Variants in SASH1 observed in about 807,000 individuals in gnomAD.
The protein encoded by SASH1 is SAM and SH3 domain containing 1.
A neutral mutation model predicts 125.2 loss-of-function variants in SASH1; 44 were observed. The ratio of observed to expected loss-of-function variants is 0.35; its 90% CI spans 0.28 to 0.45. The LOEUF (loss-of-function observed/expected upper bound fraction) is 0.45, where lower values mean the gene tolerates loss of function less well. Ranked by LOEUF, SASH1 falls within the 20% of genes least tolerant of loss-of-function variation. The pLI is 1.00. For synonymous variants in SASH1, 639 were observed against 649.1 expected (o/e 0.98, Z 0.24); for missense variants, 1,426 against 1,614.5 (o/e 0.88, Z 2.00).
intron 16 of SASH1, among the ~76,000 whole-genome samples, chr6:148,538,836 A>G (rs1035001824): frequency 2.0e-5 from 3 of 152,220 alleles, no homozygotes; most frequent in Non-Finnish European, 4.4e-5. Context: ...AGAAAGGAAA[A>G]TAAAGCCATT....
intron 8 of SASH1, among the ~76,000 whole-genome samples, chr6:148,506,496 T>C (rs1779810302): frequency 6.6e-6 from 1 of 151,986 alleles, no homozygotes; most frequent in Admixed American, 6.6e-5. Flanking sequence ...TTAATAGTAA[T>C]AGTAAAAATA....
rs146856005 is a variant in SASH1, at chr6:148,540,795, A to G, written c.2209+239A>G. 5.6e-3 allele frequency among the ~76,000 whole-genome samples: 860 copies of G among 152,230 alleles called. 8 individuals carry two copies. The highest frequency in any genetic ancestry group is 9.7e-3 in the Non-Finnish European group (663 of 68,010). On this transcript the variant is annotated intron_variant, in intron 17 of 19. Coordinates refer to ENST00000367467, the MANE Select transcript of SASH1 (RefSeq NM_015278.5). ...GTAAAACCTAAATTGTGTGTCTCCT[A>G]TGCCCTTTTCTGTATGCAATAAAAA...
At chr6:148,269,423 T>C (rs1413108221), upstream of SASH1, among the ~76,000 whole-genome samples, 2 of 152,150 alleles carry the variant, frequency 1.3e-5, no homozygotes, top group East Asian at 3.9e-4. Flanking sequence ...GCACACACCA[T>C]TATGCCCAGC....
intron 4 of SASH1, among the ~76,000 whole-genome samples, chr6:148,468,294 A>T (rs1464590002): frequency 1.3e-5 from 2 of 152,230 alleles, no homozygotes; most frequent in Non-Finnish European, 2.9e-5. Flanking sequence ...CGTCTAGTGA[A>T]GTCTGTCTTC....
the SASH1 span, among the ~76,000 whole-genome samples, chr6:148,200,222 T>C: frequency 2.0e-5 from 3 of 152,256 alleles, no homozygotes; most frequent in Non-Finnish European, 4.4e-5. Context: ...TGAAAGTTAC[T>C]AATAAAAAAT....
chr6:148,442,407 T>C (rs55708676), intron 4 of SASH1, among the ~76,000 whole-genome samples: 24,298 of 152,114 alleles, frequency 0.16, 1,982 homozygotes, highest in Middle Eastern at 0.21. Context: ...GAAAAAAATA[T>C]TAAAATAAAT....
chr6:148,394,465 G>A (rs1392222102), intron 2 of SASH1, among the ~76,000 whole-genome samples: 3 of 152,182 alleles, frequency 2.0e-5, no homozygotes, highest in Non-Finnish European at 4.4e-5. Context: ...CTTCCAGTCT[G>A]TCATGTTCCC....
In SASH1 at chr6:148,440,363, G is replaced by A. The variant is rs534691257; in HGVS notation, c.342G>A (p.Ser114=). 12 of 1,613,744 alleles carry A rather than the reference G, an allele frequency of 7.4e-6. No individual in the cohort carries two copies. Among genetic ancestry groups the A allele is most frequent in the Admixed American group, 3.3e-5 (2 of 59,968 alleles). The change falls in exon 4 of 20, where the codon TCG becomes TCA. Residue 114 remains serine, a synonymous_variant. Coordinates refer to ENST00000367467, the MANE Select transcript of SASH1 (RefSeq NM_015278.5). ...ATACGAATCTTCTCTCGTAGGAGTC[G>A]CTTGGCTTCTGTAGCGCCGTGTCAA... ...SLQLRSQIEE[S]LGFCSAVSTP...
At chr6:148,539,957 T>G (rs1226145650) in intron 16 of SASH1, among the ~76,000 whole-genome samples, 1 of 152,144 alleles carries the variant, frequency 6.6e-6, no homozygotes, top group Non-Finnish European at 1.5e-5. Flanking sequence ...TTTGACACTT[T>G]AATATTAGCT....
At chr6:148,508,122 A>AAG (rs1354309934) in intron 8 of SASH1, among the ~76,000 whole-genome samples, 2 of 152,224 alleles carry the variant, frequency 1.3e-5, no homozygotes, top group Non-Finnish European at 2.9e-5. Context: ...ACAATTTGTT[A>AAG]AGAGAGCTTT....
At chr6:148,257,334 G>A in the SASH1 span, among the ~76,000 whole-genome samples, 2 of 152,144 alleles carry the variant, frequency 1.3e-5, no homozygotes, top group Non-Finnish European at 2.9e-5. Context: ...GTCACATAGG[G>A]TTGGCCTAGA....
At chr6:148,475,661 G>A (rs190101241) in intron 7 of SASH1, among the ~76,000 whole-genome samples, 1 of 152,204 alleles carries the variant, frequency 6.6e-6, no homozygotes, top group East Asian at 1.9e-4. Flanking sequence ...AGCAACCATT[G>A]AGTGGAACCT....
intron 2 of SASH1, among the ~76,000 whole-genome samples, chr6:148,435,776 G>T (rs914579782): frequency 6.6e-6 from 1 of 152,170 alleles, no homozygotes; most frequent in East Asian, 1.9e-4. Flanking sequence ...GATTGTTGGA[G>T]CTGGGTAGTA....
intron 2 of SASH1, among the ~76,000 whole-genome samples, chr6:148,409,307 A>G (rs1784503201): frequency 6.6e-6 from 1 of 152,248 alleles, no homozygotes; most frequent in Non-Finnish European, 1.5e-5. Context: ...CTGGATATCC[A>G]ATTATAAAGA....
At chr6:148,516,497 C>G (rs1053644944) in intron 9 of SASH1, among the ~76,000 whole-genome samples, 4 of 63,592 alleles carry the variant, frequency 6.3e-5, no homozygotes, top group African/African-American at 2.0e-4. Flanking sequence ...GGCGCCCCCT[C>G]CCCCCTCCCC....
intron 4 of SASH1, among the ~76,000 whole-genome samples, chr6:148,466,071 T>C (rs1269525944): frequency 6.6e-6 from 1 of 152,212 alleles, no homozygotes; most frequent in East Asian, 1.9e-4. Flanking sequence ...GCCTTGCAGG[T>C]AAATACAGGT....
At chr6:148,455,478 C>A (rs934796679) in intron 4 of SASH1, among the ~76,000 whole-genome samples, 2 of 152,096 alleles carry the variant, frequency 1.3e-5, no homozygotes, top group African/African-American at 4.8e-5. Flanking sequence ...GCGCTCACAA[C>A]ATCAGAAGGG....
the SASH1 span, among the ~76,000 whole-genome samples, chr6:148,257,009 A>C: frequency 1.3e-5 from 2 of 152,198 alleles, no homozygotes; most frequent in Admixed American, 6.5e-5. Context: ...CATCTCTGGA[A>C]TATATTAAAG....
intron 1 of SASH1, among the ~76,000 whole-genome samples, chr6:148,295,180 G>A (rs1026831926): frequency 2.6e-5 from 4 of 151,964 alleles, no homozygotes; most frequent in Admixed American, 1.3e-4. Flanking sequence ...AACGAGTACC[G>A]GCATTCCTAG....
Sources: allele counts gnomAD v4.1 joint callset (sites outside exome capture counted in the v4.1 genomes callset), GRCh38; gene constraint gnomAD v4.1.1; transcripts MANE v1.5; gene names NCBI Gene and HGNC (gene_info 2026-07-23, HGNC 2026-07-21).